Variants in WDR27 observed in about 807,000 individuals in gnomAD.
WDR27 encodes WD repeat-containing protein 27.
WDR27 carries 100 observed loss-of-function variants against 114.4 expected under a neutral mutation model. That is an observed-to-expected ratio of 0.87 (90% CI 0.74 to 1.03). The LOEUF is 1.03. Ranked by LOEUF, WDR27 falls within the 50% of genes least tolerant of loss-of-function variation. The probability of loss-of-function intolerance (pLI) is 0.00; values close to 1 mark genes in which losing one functional copy is unlikely to be tolerated. For synonymous variants in WDR27, 449 were observed against 423.1 expected (o/e 1.06, Z -0.75); for missense variants, 1,129 against 1,092.9 (o/e 1.03, Z -0.47).
chr6:169,648,515 G>C (rs1008142448), intron 15 of WDR27, among the ~76,000 whole-genome samples: 1 of 152,260 alleles, frequency 6.6e-6, no homozygotes, highest in African/African-American at 2.4e-5. Flanking sequence ...GCAAGCACGT[G>C]CGTAATATCA....
At chr6:169,436,483 T>G in the WDR27 span, among the ~76,000 whole-genome samples, 1 of 35,490 alleles carries the variant, frequency 2.8e-5, no homozygotes. Context: ...ATCCATATAT[T>G]TAACTTTAAG....
At chr6:169,492,116 G>GAGAT (rs1010383939) in intron 25 of WDR27, among the ~76,000 whole-genome samples, 1 of 151,750 alleles carries the variant, frequency 6.6e-6, no homozygotes, top group Non-Finnish European at 1.5e-5. Flanking sequence ...AGTCTGCAAA[G>GAGAT]AGATGAATGG....
the WDR27 span, among the ~76,000 whole-genome samples, chr6:169,434,867 G>A: frequency 6.6e-6 from 1 of 152,352 alleles, no homozygotes; most frequent in Admixed American, 6.5e-5. Flanking sequence ...TAAGTGACAA[G>A]GAGCCAAATG....
chr6:169,642,035 A>C (rs193134260), intron 17 of WDR27, among the ~76,000 whole-genome samples: 1 of 152,378 alleles, frequency 6.6e-6, no homozygotes, highest in Non-Finnish European at 1.5e-5. Flanking sequence ...TTATTAAATT[A>C]AATACGGTTG....
intron 25 of WDR27, among the ~76,000 whole-genome samples, chr6:169,480,324 C>T (rs1248430512): frequency 6.6e-6 from 1 of 152,198 alleles, no homozygotes; most frequent in Non-Finnish European, 1.5e-5. Context: ...CCCACCCCTG[C>T]CACTCCCGTG....
intron 25 of WDR27, among the ~76,000 whole-genome samples, chr6:169,481,388 T>C (rs971257887): frequency 1.3e-5 from 2 of 152,158 alleles, no homozygotes; most frequent in Admixed American, 1.3e-4. Flanking sequence ...CGGCAGGATG[T>C]GGGTGGGGTC....
chr6:169,467,499 G>A (rs1441205208), intron 25 of WDR27, among the ~76,000 whole-genome samples: 2 of 152,240 alleles, frequency 1.3e-5, no homozygotes, highest in Non-Finnish European at 2.9e-5. Flanking sequence ...CTTGACTTCT[G>A]TGCATCTGCA....
intron 25 of WDR27, among the ~76,000 whole-genome samples, chr6:169,470,225 C>A (rs1786169931): frequency 6.6e-6 from 1 of 152,194 alleles, no homozygotes; most frequent in Admixed American, 6.5e-5. Context: ...TACCCATATT[C>A]TGTTCATAAT....
chr6:169,667,071 T>C, intron 6 of WDR27, 65 bp downstream of exon 6: 1 of 1,438,248 alleles, frequency 7.0e-7, no homozygotes, highest in Non-Finnish European at 9.1e-7. Context: ...TGCCCTGTAA[T>C]ATGCTCTAGA....
intron 24 of WDR27, among the ~76,000 whole-genome samples, chr6:169,576,562 A>AC (rs1162549277): frequency 6.6e-6 from 1 of 152,126 alleles, no homozygotes; most frequent in Admixed American, 6.5e-5. Context: ...GGAGTTTGAG[A>AC]CCAGCCTGGG....
chr6:169,585,965 A>G (rs934915804), intron 23 of WDR27, among the ~76,000 whole-genome samples: 2 of 152,100 alleles, frequency 1.3e-5, no homozygotes, highest in Admixed American at 1.3e-4. Flanking sequence ...TTCTCCTACC[A>G]TTTGCTTTCG....
rs1217179438 is a variant in WDR27 at position 169,665,408 on chromosome 6, T to A, written c.783+78A>T. 7 of 1,534,358 alleles carry A rather than the reference T, an allele frequency of 4.6e-6. No homozygotes were observed. The South Asian group carries it at 6.3e-5, about 14-fold the overall frequency. On this transcript the variant is annotated intron_variant, in intron 7 of 25. Coordinates refer to ENST00000448612, the MANE Select transcript of WDR27 (RefSeq NM_182552.5). ...AATCGCAGGAAAATACAAAGTAGCA[T>A]GAAGACAAAGACCTTTGTGTACAAG...
chr6:169,595,867 CAA>C, intron 23 of WDR27, among the ~76,000 whole-genome samples: 1 of 147,180 alleles, frequency 6.8e-6, no homozygotes. Flanking sequence ...GTTTTATACT[CAA>C]AAAAAAATTT....
chr6:169,428,398 A>G, the WDR27 span, among the ~76,000 whole-genome samples: 4 of 152,324 alleles, frequency 2.6e-5, no homozygotes, highest in African/African-American at 9.6e-5. Flanking sequence ...TAGTTATGGA[A>G]TCTTAACACA....
At chr6:169,480,007 G>T (rs539060337) in intron 25 of WDR27, among the ~76,000 whole-genome samples, 1 of 152,200 alleles carries the variant, frequency 6.6e-6, no homozygotes, top group African/African-American at 2.4e-5. Context: ...GGCCAGAGCC[G>T]GCTCCCTCTG....
intron 25 of WDR27, among the ~76,000 whole-genome samples, chr6:169,477,877 T>C (rs571622641): frequency 6.6e-6 from 1 of 152,230 alleles, no homozygotes; most frequent in Admixed American, 6.5e-5. Flanking sequence ...TCATAATAGA[T>C]AAAAATTAGA....
intron 8 of WDR27, among the ~76,000 whole-genome samples, chr6:169,663,285 G>C (rs1294662526): frequency 6.6e-6 from 1 of 151,856 alleles, no homozygotes; most frequent in Non-Finnish European, 1.5e-5. Flanking sequence ...TAAAACATCA[G>C]GAAAAAATTG....
At chr6:169,609,561 G>A (rs917403406) in intron 22 of WDR27, among the ~76,000 whole-genome samples, 2 of 152,330 alleles carry the variant, frequency 1.3e-5, no homozygotes, top group East Asian at 1.9e-4. Context: ...GAGCGGCTGG[G>A]ACACAGGGCA....
intron 2 of WDR27, among the ~76,000 whole-genome samples, chr6:169,680,950 A>T (rs980671189): frequency 6.6e-6 from 1 of 152,256 alleles, no homozygotes; most frequent in Non-Finnish European, 1.5e-5. Flanking sequence ...TCACAGAGTC[A>T]CAGATTTCAA....
Sources: gnomAD v4.1 joint callset for allele counts (sites outside exome capture counted in the v4.1 genomes callset) on GRCh38, gnomAD v4.1.1 for gene constraint, MANE v1.5 for transcripts, NCBI Gene and HGNC (gene_info 2026-07-23, HGNC 2026-07-21) for gene names.